ERAP2: variants seen among roughly 807,000 people sequenced by gnomAD.
The protein encoded by ERAP2 is endoplasmic reticulum aminopeptidase 2.
ERAP2 carries 118 observed loss-of-function variants against 111.1 expected under a neutral mutation model. That is an observed-to-expected ratio of 1.06 (90% confidence interval 0.92 to 1.24). ERAP2 has a LOEUF of 1.24. Among genes scored for constraint, ERAP2 ranks in the 50% most tolerant of loss-of-function variants. The pLI is 0.00. For missense variants in ERAP2, 1,131 were observed against 1,125.8 expected (o/e 1.00, Z -0.07); for synonymous variants, 410 against 401.2 (o/e 1.02, Z -0.26).
intron 3 of ERAP2, among the ~76,000 whole-genome samples, chr5:96,884,913 G>A (rs1410405846): frequency 6.6e-6 from 1 of 152,058 alleles, no homozygotes; most frequent in Non-Finnish European, 1.5e-5. Context: ...ACTTCTGCTG[G>A]TATTGAGAAA....
intron 9 of ERAP2, among the ~76,000 whole-genome samples, chr5:96,898,919 T>A (rs954419494): frequency 2.0e-5 from 3 of 152,144 alleles, no homozygotes; most frequent in African/African-American, 7.2e-5. Flanking sequence ...TCCCTTGCCA[T>A]GTGTGTGTGC....
intron 18 of ERAP2, among the ~76,000 whole-genome samples, chr5:96,917,199 T>A (rs1381195532): frequency 3.3e-5 from 5 of 151,826 alleles, no homozygotes; most frequent in African/African-American, 1.2e-4. Flanking sequence ...CTCCACCTGC[T>A]GGGTTCAAGC....
At chr5:96,890,533 A>T (rs1784233102) in intron 5 of ERAP2, among the ~76,000 whole-genome samples, 1 of 152,222 alleles carries the variant, frequency 6.6e-6, no homozygotes, top group African/African-American at 2.4e-5. Context: ...AAAACTGAAG[A>T]AAGTTTCATA....
chr5:96,909,154 C>A lies in ERAP2; in HGVS notation c.2169+37C>A. 2 of 1,596,966 alleles carry A rather than the reference C, an allele frequency of 1.3e-6. 1 individual carries two copies. The highest frequency in any genetic ancestry group is 2.2e-5 in the South Asian group (2 of 90,270). On this transcript the variant is annotated intron_variant, in intron 14 of 18. Transcript: ENST00000437043. ...TTTTAGAAAATGTATTAAGTAAATA[C>A]ACAGTGTCTGGAGTATCAGTCAGGC... is the stretch of plus-strand genomic sequence containing the variant.
At chr5:96,901,118 G>C (rs1401452498) in intron 10 of ERAP2, among the ~76,000 whole-genome samples, 2 of 152,148 alleles carry the variant, frequency 1.3e-5, no homozygotes, top group Non-Finnish European at 2.9e-5. Flanking sequence ...CCTAAAGACA[G>C]ATATTTCCCT....
rs751261658 is a variant in ERAP2, at chr5:96,912,713, CA to C, written c.2433del (p.Gln811HisfsTer28). 506 of 1,604,516 alleles carry C rather than the reference CA, an allele frequency of 3.2e-4. No individual in the cohort carries two copies. The highest frequency in any genetic ancestry group is 4.0e-4 in the Non-Finnish European group (475 of 1,177,052). ...TTAGWNYLLEQYELSMSSAEQ... is the reference protein window; with the variant it reads ...TTAGWNYLLEXYELSMSSAEQ... ...AGCAGGATGGAATTACCTTTTAGAGCAATATGAACTGTCAATGTCAAGTGCT... is the reference window on the plus strand; with the variant it reads ...AGCAGGATGGAATTACCTTTTAGAGCATATGAACTGTCAATGTCAAGTGCT... On this transcript the variant is annotated frameshift_variant, in exon 16 of 19. Coordinates refer to ENST00000437043, the MANE Select transcript of ERAP2 (RefSeq NM_022350.5). LOFTEE classifies it high-confidence loss of function.
At chr5:96,886,519 C>A in intron 3 of ERAP2, 136 bp from the exon 4 acceptor site, 1 of 538,356 alleles carries the variant, frequency 1.9e-6, no homozygotes, top group Non-Finnish European at 2.9e-6. Context: ...CTAGGAGAGG[C>A]CATTGCCCCC....
rs143334183 is a variant in ERAP2, at chr5:96,876,861, C to T, written c.-123+334C>T. On this transcript the variant is annotated intron_variant, in intron 1 of 18. Transcript: ENST00000437043. ...GCAGTATAATAGAAAGCCCACCAGA[C>T]CAAAGGGCAAAGAGCTATGTTTTAG... Among the ~76,000 whole-genome samples the T allele has an allele frequency of 2.6e-3, 400 of 152,278 alleles. 6 individuals carry two copies. Among genetic ancestry groups the T allele is most frequent in the Admixed American group, 0.023 (346 of 15,296 alleles).
intron 1 of ERAP2, among the ~76,000 whole-genome samples, chr5:96,876,799 G>T (rs958692581): frequency 6.6e-6 from 1 of 152,044 alleles, no homozygotes; most frequent in Non-Finnish European, 1.5e-5. Context: ...TCAATCCCAG[G>T]ATGTTTTGTT....
At chr5:96,898,704 A>G (rs1391362087) in intron 9 of ERAP2, among the ~76,000 whole-genome samples, 1 of 152,004 alleles carries the variant, frequency 6.6e-6, no homozygotes, top group Non-Finnish European at 1.5e-5. Context: ...ACACCACTGG[A>G]CTCCAGCCTG....
chr5:96,899,503 C>T (rs1326913328), intron 9 of ERAP2, among the ~76,000 whole-genome samples: 1 of 152,146 alleles, frequency 6.6e-6, no homozygotes, highest in African/African-American at 2.4e-5. Context: ...CATTTGAGAG[C>T]CTTAGCACAT....
Position 96,896,813 on chromosome 5 carries a change from T to C in ERAP2, c.1453T>C (p.Phe485Leu), listed in dbSNP as rs1784904671. 1.5e-6 allele frequency: 2 copies of C among 1,313,968 alleles called. No homozygotes were observed. The highest frequency in any genetic ancestry group is 2.2e-5 in the African/African-American group (1 of 46,210). 81.4% of individuals were successfully genotyped at this position (1,313,968 alleles called of 1,614,324 possible). A position where few individuals can be genotyped will look rare whatever the true frequency, so the allele number is the denominator to read the frequency against. Residue 485 changes from phenylalanine to leucine, a missense_variant, in exon 9 of 19, where the codon TTC becomes CTC. Phe to Leu is a conservative substitution (Grantham distance 22). Coordinates refer to ENST00000437043, the MANE Select transcript of ERAP2 (RefSeq NM_022350.5). ...AGGAATAATTCAGTACTTAAAGAAGTTCAGCTATAGAAATGCTAAGAATGA... is the reference window on the plus strand; with the variant it reads ...AGGAATAATTCAGTACTTAAAGAAGCTCAGCTATAGAAATGCTAAGAATGA... Reference protein sequence around the residue: ...QKGIIQYLKKFSYRNAKNDDL... With the variant: ...QKGIIQYLKKLSYRNAKNDDL...
In ERAP2 at chr5:96,887,607, A is replaced by G. The variant is rs142863861; in HGVS notation, c.849+818A>G. Among the ~76,000 whole-genome samples, 421 of 152,176 alleles carry G rather than the reference A, an allele frequency of 2.8e-3. 5 individuals carry two copies. The highest frequency in any genetic ancestry group is 9.5e-3 in the African/African-American group (394 of 41,540). On this transcript the variant is annotated intron_variant, in intron 4 of 18. Transcript: ENST00000437043. ...GAGCCACCGTGCCCGACAGTTTCCA[A>G]CTGTTTTTTATAACTTTTTTCCCTC... is the stretch of plus-strand genomic sequence containing the variant.
At chr5:96,880,304 C>G (rs1782998465) in intron 2 of ERAP2, 44 bp downstream of exon 2, 1 of 1,520,280 alleles carries the variant, frequency 6.6e-7, no homozygotes, top group Non-Finnish European at 8.9e-7. Context: ...GTGATAATTT[C>G]CTTACGAGTT....
At chr5:96,902,481 A>T (rs1436070287) in intron 12 of ERAP2, 128 bp downstream of exon 12, 1 of 601,606 alleles carries the variant, frequency 1.7e-6, no homozygotes, top group African/African-American at 1.9e-5. Flanking sequence ...GTTGTCATTT[A>T]TCCATATGTT....
rs539817399 is a variant in ERAP2, at chr5:96,877,005, C to T, written c.-123+478C>T. ...ATTTATTTATTTTGAGAGAGAGCCTCGCTCTGTCGCCCAGGCTGGAGTGCA... is the reference window on the plus strand; with the variant it reads ...ATTTATTTATTTTGAGAGAGAGCCTTGCTCTGTCGCCCAGGCTGGAGTGCA... On this transcript the variant is annotated intron_variant, in intron 1 of 18. Transcript: ENST00000437043. 7.6e-4 allele frequency among the ~76,000 whole-genome samples: 115 copies of T among 152,256 alleles called. 5 individuals are homozygous for T. In the South Asian group the frequency reaches 0.023, roughly 31 times the overall value.
chr5:96,905,255 GTAT>G (rs1429736328), intron 13 of ERAP2, among the ~76,000 whole-genome samples: 2 of 152,086 alleles, frequency 1.3e-5, no homozygotes, highest in African/African-American at 4.8e-5. Context: ...GTAAGTCTGT[GTAT>G]TATTATGTTT....
intron 9 of ERAP2, among the ~76,000 whole-genome samples, chr5:96,898,470 G>T (rs548667177): frequency 1.3e-5 from 2 of 151,424 alleles, no homozygotes; most frequent in East Asian, 1.9e-4. Context: ...GGCCTGGTGC[G>T]GTGGCTCATG....
At chr5:96,889,368 C>T (rs752012265) in intron 5 of ERAP2, 63 bp downstream of exon 5, 12 of 1,559,472 alleles carry the variant, frequency 7.7e-6, no homozygotes, top group Non-Finnish European at 1.1e-5. Flanking sequence ...TGATCTCTTC[C>T]CTCTTTCTCT....
Sources: allele counts gnomAD v4.1 joint callset (sites outside exome capture counted in the v4.1 genomes callset), GRCh38; gene constraint gnomAD v4.1.1; transcripts MANE v1.5; gene names NCBI Gene and HGNC (gene_info 2026-07-23, HGNC 2026-07-21).